MAP2K4: variants seen among roughly 807,000 people sequenced by gnomAD.
The protein encoded by MAP2K4 is dual specificity mitogen-activated protein kinase kinase 4.
In MAP2K4, 4 loss-of-function variants were observed where a neutral mutation model predicts 48.5. The ratio of observed to expected loss-of-function variants is 0.08; its 90% confidence interval spans 0.04 to 0.19. MAP2K4 has a LOEUF of 0.19. MAP2K4 is among the 10% of genes least tolerant of loss of function. The pLI is 1.00. For missense variants in MAP2K4, 258 were observed against 493.3 expected, an observed-to-expected ratio of 0.52 and a Z score of 4.52; for synonymous variants, 166 against 173.1, an observed-to-expected ratio of 0.96 and a Z score of 0.32.
At chr17:12,090,021 A>G (rs1971511283) in intron 3 of MAP2K4, among the ~76,000 whole-genome samples, 1 of 152,134 alleles carries the variant, frequency 6.6e-6, no homozygotes, top group South Asian at 2.1e-4. Flanking sequence ...TTTGCCTAGA[A>G]TGTTCAGATC....
intron 2 of MAP2K4, among the ~76,000 whole-genome samples, chr17:12,063,345 A>T (rs1970511285): frequency 6.6e-6 from 1 of 152,230 alleles, no homozygotes; most frequent in African/African-American, 2.4e-5. Context: ...ACAAACACAC[A>T]TGTATAGTCA....
intron 4 of MAP2K4, among the ~76,000 whole-genome samples, chr17:12,095,895 T>TTGTGTGTGTGTGTGTGTGTG (rs71947375): frequency 1.2e-4 from 17 of 147,294 alleles, no homozygotes; most frequent in African/African-American, 4.3e-4. Context: ...ACACGTGTGT[T>TTGTGTGTGTGTGTGTGTGTG]TGTGTGTGTG....
chr17:12,026,441 C>A (rs1298383737), intron 1 of MAP2K4, among the ~76,000 whole-genome samples: 1 of 152,114 alleles, frequency 6.6e-6, no homozygotes, highest in Non-Finnish European at 1.5e-5. Context: ...ACCTGAGAAA[C>A]TTTAATTGAG....
intron 1 of MAP2K4, among the ~76,000 whole-genome samples, chr17:12,034,644 T>G (rs1387428451): frequency 6.6e-6 from 1 of 152,232 alleles, no homozygotes; most frequent in Non-Finnish European, 1.5e-5. Flanking sequence ...GTTAGCAAGC[T>G]CATAGTTTAG....
chr17:12,140,503 G>A (rs1486333690), intron 10 of MAP2K4, among the ~76,000 whole-genome samples: 1 of 152,166 alleles, frequency 6.6e-6, no homozygotes, highest in African/African-American at 2.4e-5. Flanking sequence ...AACATACTTA[G>A]TCTGTAAAAG....
intron 1 of MAP2K4, among the ~76,000 whole-genome samples, chr17:12,034,658 A>G (rs1381801470): frequency 6.6e-6 from 1 of 152,228 alleles, no homozygotes; most frequent in African/African-American, 2.4e-5. Context: ...AGTTTAGTGG[A>G]CTAGAGTTGA....
intron 7 of MAP2K4, among the ~76,000 whole-genome samples, chr17:12,118,838 C>T (rs1312721741): frequency 1.3e-5 from 2 of 152,162 alleles, no homozygotes; most frequent in African/African-American, 4.8e-5. Flanking sequence ...GTCATGCCTG[C>T]TTGGCATAAC....
intron 2 of MAP2K4, 63 bp downstream of exon 2, chr17:12,055,054 T>C (rs1388083758): frequency 4.8e-6 from 5 of 1,045,474 alleles, no homozygotes; most frequent in Non-Finnish European, 7.2e-6. Context: ...CTGTATTTTA[T>C]GAATTTTTCC....
chr17:12,126,110 A>G (rs553802503), intron 8 of MAP2K4, among the ~76,000 whole-genome samples: 57 of 152,196 alleles, frequency 3.7e-4, no homozygotes, highest in African/African-American at 1.2e-3. Flanking sequence ...TCATGATCCA[A>G]TCACCTCCCA....
At chr17:12,074,076 G>T (rs549236178) in intron 2 of MAP2K4, among the ~76,000 whole-genome samples, 1 of 151,984 alleles carries the variant, frequency 6.6e-6, no homozygotes, top group Non-Finnish European at 1.5e-5. Flanking sequence ...CTGGCCTCTT[G>T]TTGTAGTTTT....
intron 1 of MAP2K4, among the ~76,000 whole-genome samples, chr17:12,053,934 T>C (rs1340177391): frequency 6.6e-6 from 1 of 152,060 alleles, no homozygotes; most frequent in Non-Finnish European, 1.5e-5. Context: ...CTCTAGAGAG[T>C]GAGTTCAGGA....
At chr17:12,116,592 C>T (rs1276084629) in intron 7 of MAP2K4, among the ~76,000 whole-genome samples, 4 of 152,034 alleles carry the variant, frequency 2.6e-5, no homozygotes, top group Admixed American at 6.5e-5. Context: ...ATCTTTATTC[C>T]GTAAGGCTAT....
chr17:12,074,161 G>A (rs1051696180), intron 2 of MAP2K4, among the ~76,000 whole-genome samples: 21 of 151,864 alleles, frequency 1.4e-4, no homozygotes, highest in Middle Eastern at 3.4e-3. Flanking sequence ...CCATCCTTTC[G>A]TTTTTTTAAT....
chr17:12,032,218 T>A (rs935118009), intron 1 of MAP2K4: 5 of 1,087,314 alleles, frequency 4.6e-6, no homozygotes, highest in Non-Finnish European at 6.2e-6. Flanking sequence ...CAATTTTGGT[T>A]TGTTTGATTT....
chr17:12,114,120 T>C (rs1212933074), intron 7 of MAP2K4, among the ~76,000 whole-genome samples: 2 of 152,196 alleles, frequency 1.3e-5, no homozygotes, highest in African/African-American at 4.8e-5. Context: ...TTTCCATCTT[T>C]GTAGACTGTT....
At chr17:12,028,537 T>G (rs1969331593) in intron 1 of MAP2K4, among the ~76,000 whole-genome samples, 1 of 152,236 alleles carries the variant, frequency 6.6e-6, no homozygotes, top group South Asian at 2.1e-4. Flanking sequence ...TATGGGTAGC[T>G]GTGGTTTAAG....
intron 1 of MAP2K4, among the ~76,000 whole-genome samples, chr17:12,028,022 T>G (rs1969317103): frequency 6.6e-6 from 1 of 152,142 alleles, no homozygotes; most frequent in Non-Finnish European, 1.5e-5. Context: ...GTTGGACATT[T>G]TAGATATATT....
intron 1 of MAP2K4, among the ~76,000 whole-genome samples, chr17:12,033,200 CAAG>C (rs1265953353): frequency 1.3e-5 from 2 of 152,100 alleles, no homozygotes; most frequent in Admixed American, 1.3e-4. Context: ...AATCTCATCT[CAAG>C]GAGACTACTC....
chr17:12,141,054 A>G (rs1381497431), intron 10 of MAP2K4, 93 bp from the exon 11 acceptor site: 7 of 745,694 alleles, frequency 9.4e-6, no homozygotes, highest in Non-Finnish European at 1.7e-5. Flanking sequence ...TGTGGTTGGG[A>G]GCCTGGAGTT....
Sources: allele counts gnomAD v4.1 joint callset (sites outside exome capture counted in the v4.1 genomes callset), GRCh38; gene constraint gnomAD v4.1.1; transcripts MANE v1.5; gene names NCBI Gene and HGNC (gene_info 2026-07-23, HGNC 2026-07-21).